The following COL4A4 variants were observed in gnomAD, a reference collection of about 807,000 sequenced individuals.
COL4A4 encodes the protein collagen type IV alpha 4 chain, also known as collagen alpha-4(IV) chain.
In COL4A4, 105 loss-of-function variants were observed where a neutral mutation model predicts 192.9. The observed-to-expected ratio is 0.54, with a 90% CI of 0.46 to 0.64. The LOEUF is 0.64. COL4A4 is among the 30% of genes least tolerant of loss of function. The pLI is 0.00. For missense variants in COL4A4, 1,967 were observed against 2,169.3 expected, an observed-to-expected ratio of 0.91 and a Z score of 1.85; for synonymous variants, 762 against 769.9, an observed-to-expected ratio of 0.99 and a Z score of 0.17.
chr2:227,033,124 G>T (rs1432308543), intron 38 of COL4A4, among the ~76,000 whole-genome samples: 2 of 152,152 alleles, frequency 1.3e-5, no homozygotes, highest in African/African-American at 4.8e-5. Flanking sequence ...TTGAAATCTG[G>T]CTCAATTGTT....
the COL4A4 span, among the ~76,000 whole-genome samples, chr2:226,982,425 A>T: frequency 2.6e-5 from 4 of 152,238 alleles, no homozygotes; most frequent in African/African-American, 9.6e-5. Context: ...ACCTGTAGTT[A>T]TATACTAATC....
At chr2:227,011,990 A>G (rs1963832598) in intron 45 of COL4A4, among the ~76,000 whole-genome samples, 191 bp downstream of exon 45, 1 of 152,212 alleles carries the variant, frequency 6.6e-6, no homozygotes, top group Non-Finnish European at 1.5e-5. Context: ...ATGGTTTAAC[A>G]TCAGTTAGAA....
chr2:227,151,882 T>G (rs1368418280), intron 1 of COL4A4, among the ~76,000 whole-genome samples: 3 of 152,212 alleles, frequency 2.0e-5, no homozygotes, highest in Non-Finnish European at 4.4e-5. Flanking sequence ...GCCTTGGCAT[T>G]GCACTTCCCA....
At chr2:227,082,789 T>G (rs55865762) in intron 22 of COL4A4, among the ~76,000 whole-genome samples, 5,679 of 152,312 alleles carry the variant, frequency 0.037, 150 homozygotes, top group Admixed American at 0.057. Context: ...TTTCTGAAGC[T>G]AATATATTTA....
At chr2:227,076,787 T>A (rs2059046306) in intron 25 of COL4A4, among the ~76,000 whole-genome samples, 1 of 151,978 alleles carries the variant, frequency 6.6e-6, no homozygotes, top group Non-Finnish European at 1.5e-5. Flanking sequence ...TTAAACAAAT[T>A]TACAAGAAAA....
intron 25 of COL4A4, among the ~76,000 whole-genome samples, chr2:227,071,503 G>A (rs1329634215): frequency 1.3e-5 from 2 of 152,030 alleles, no homozygotes; most frequent in Non-Finnish European, 2.9e-5. Context: ...ATGACAGAAC[G>A]TCAACAGAGA....
chr2:227,083,106 GTAGTCA>G (rs1406550827), intron 22 of COL4A4, among the ~76,000 whole-genome samples: 1 of 152,158 alleles, frequency 6.6e-6, no homozygotes, highest in East Asian at 1.9e-4. Context: ...GTGCACACCT[GTAGTCA>G]TAGCTACTTG....
chr2:227,099,726 T>A (rs2060402209), intron 17 of COL4A4, 37 bp from the exon 18 acceptor site: 1 of 1,564,794 alleles, frequency 6.4e-7, no homozygotes, highest in South Asian at 1.1e-5. Context: ...TAAAGGAATA[T>A]TAATTTTACT....
chr2:227,065,667 T>TCCTC (rs1160689203), intron 25 of COL4A4, among the ~76,000 whole-genome samples: 7 of 151,830 alleles, frequency 4.6e-5, no homozygotes, highest in South Asian at 2.1e-4. Context: ...CAGCTGAGGG[T>TCCTC]ACTGTTAGAA....
intron 19 of COL4A4, among the ~76,000 whole-genome samples, chr2:227,096,807 T>C (rs1342776059): frequency 2.0e-5 from 3 of 152,208 alleles, no homozygotes; most frequent in Non-Finnish European, 4.4e-5. Flanking sequence ...CATTATACTA[T>C]ATGGCTTTCA....
At chr2:227,130,125 C>A (rs182981913) in intron 4 of COL4A4, among the ~76,000 whole-genome samples, 1 of 152,190 alleles carries the variant, frequency 6.6e-6, no homozygotes, top group South Asian at 2.1e-4. Flanking sequence ...AGTAGACAAT[C>A]CAGAGACTGG....
At chr2:227,057,635 CA>C (rs1407170472) in intron 28 of COL4A4, 35 bp from the exon 29 acceptor site, 8 of 1,608,778 alleles carry the variant, frequency 5.0e-6, no homozygotes, top group East Asian at 2.2e-5. Flanking sequence ...ACATTCATGA[CA>C]AAAAACTATA....
chr2:227,069,412 T>A (rs1386447535), intron 25 of COL4A4, among the ~76,000 whole-genome samples: 3 of 152,130 alleles, frequency 2.0e-5, no homozygotes, highest in Non-Finnish European at 4.4e-5. Context: ...CATCGCCAAG[T>A]CAATCCTAAG....
chr2:226,982,091 C>A, the COL4A4 span, among the ~76,000 whole-genome samples: 2 of 152,214 alleles, frequency 1.3e-5, no homozygotes, highest in African/African-American at 2.4e-5. Flanking sequence ...GCCCTCTTTT[C>A]TTTTCTTGCC....
chr2:227,052,655 T>A (rs1974372414), intron 31 of COL4A4, among the ~76,000 whole-genome samples: 1 of 152,200 alleles, frequency 6.6e-6, no homozygotes, highest in African/African-American at 2.4e-5. Context: ...ACTGAATGTT[T>A]GCCAAATTCA....
At chr2:227,158,654 C>CG (rs749841709) in intron 1 of COL4A4, among the ~76,000 whole-genome samples, 2 of 151,374 alleles carry the variant, frequency 1.3e-5, no homozygotes, top group Non-Finnish European at 2.9e-5. Context: ...AAATTTTAAG[C>CG]GGAAAAAAGA....
At chr2:227,043,308 G>T (rs998709810) in intron 35 of COL4A4, 124 bp from the exon 36 acceptor site, 33 of 823,648 alleles carry the variant, frequency 4.0e-5, no homozygotes, top group South Asian at 8.7e-5. Context: ...GTTTCTATTG[G>T]AAAGGAAAAT....
chr2:226,995,356 T>A, the COL4A4 span: 1 of 868,536 alleles, frequency 1.2e-6, no homozygotes, highest in Non-Finnish European at 1.9e-6. Context: ...ATCACTTTGT[T>A]CCCTTGGAAT....
chr2:227,109,320 C>T (rs1358006839), intron 9 of COL4A4, 34 bp from the exon 10 acceptor site: 1 of 1,560,714 alleles, frequency 6.4e-7, no homozygotes. Flanking sequence ...ATCTGTTACC[C>T]AAAATTGTAA....
Sources: gnomAD v4.1 joint callset for allele counts (sites outside exome capture counted in the v4.1 genomes callset) on GRCh38, gnomAD v4.1.1 for gene constraint, MANE v1.5 for transcripts, NCBI Gene and HGNC (gene_info 2026-07-23, HGNC 2026-07-21) for gene names.